SLC25A18: variants seen among roughly 807,000 people sequenced by gnomAD.
SLC25A18 encodes the protein solute carrier family 25 member 18, also known as mitochondrial glutamate carrier 2.
SLC25A18 carries 24 observed loss-of-function variants against 31.1 expected under a neutral mutation model. That is an observed-to-expected ratio of 0.77 (90% confidence interval 0.56 to 1.08). The LOEUF (loss-of-function observed/expected upper bound fraction) is 1.08. SLC25A18 is among the 50% of genes least tolerant of loss of function. The pLI is 0.00. For synonymous variants in SLC25A18, 173 were observed against 161.9 expected, an observed-to-expected ratio of 1.07 and a Z score of -0.52; for missense variants, 371 against 418.5, an observed-to-expected ratio of 0.89 and a Z score of 0.99.
intron 2 of SLC25A18, among the ~76,000 whole-genome samples, chr22:17,577,115 C>T (rs1280055720): frequency 2.6e-5 from 4 of 151,920 alleles, no homozygotes; most frequent in Non-Finnish European, 5.9e-5. Context: ...CTCCGCCTCC[C>T]GGGTTCACGC....
chr22:17,580,552 T>C, intron 3 of SLC25A18: 2 of 989,534 alleles, frequency 2.0e-6, no homozygotes, highest in Non-Finnish European at 1.2e-6. Flanking sequence ...TAGCTGGCAT[T>C]CCCCCCCAGG....
At chr22:17,587,508 A>G in intron 8 of SLC25A18, among the ~76,000 whole-genome samples, 1 of 152,228 alleles carries the variant, frequency 6.6e-6, no homozygotes, top group South Asian at 2.1e-4. Context: ...GGCCGCTTGC[A>G]TAGTGATGAC....
chr22:17,572,926 C>A (rs557190646), intron 2 of SLC25A18, among the ~76,000 whole-genome samples: 1 of 152,206 alleles, frequency 6.6e-6, no homozygotes, highest in East Asian at 1.9e-4. Context: ...CAGGCATGAG[C>A]CATGGCGCCC....
intron 2 of SLC25A18, among the ~76,000 whole-genome samples, chr22:17,578,094 C>A (rs551277114): frequency 4.4e-4 from 67 of 151,628 alleles, no homozygotes; most frequent in Non-Finnish European, 8.8e-4. Context: ...AAATAATCCT[C>A]CCATCTCAGC....
intron 2 of SLC25A18, among the ~76,000 whole-genome samples, chr22:17,579,276 G>A (rs919875783): frequency 2.0e-5 from 3 of 152,006 alleles, no homozygotes; most frequent in Non-Finnish European, 1.5e-5. Flanking sequence ...TAGTAGAGAT[G>A]GAGTTTCACC....
intron 7 of SLC25A18, 107 bp from the exon 8 acceptor site, chr22:17,587,029 G>C (rs1411682157): frequency 1.6e-6 from 2 of 1,268,986 alleles, no homozygotes; most frequent in Admixed American, 4.5e-5. Context: ...TGAGGTGTCA[G>C]CCTGGCCTCT....
intron 9 of SLC25A18, 29 bp downstream of exon 9, chr22:17,588,108 A>G (rs560078843): frequency 2.5e-6 from 4 of 1,613,016 alleles, no homozygotes; most frequent in Admixed American, 3.4e-5. Flanking sequence ...TGTCCTTTCT[A>G]TGGGATAAAC....
rs370266488 is a variant in SLC25A18, at chr22:17,583,452, G to C, written c.327G>C (p.Gly109=). The part of the protein sequence containing the change: ...QRNLKMEMLA[G]CGAGMCQVVV... ...ACCTGAAGATGGAGATGCTTGCCGGGTGTGGGGCTGGGATGTGCCAGGTCG... is the reference window on the plus strand; with the variant it reads ...ACCTGAAGATGGAGATGCTTGCCGGCTGTGGGGCTGGGATGTGCCAGGTCG... Residue 109 remains glycine, a synonymous_variant, in exon 7 of 11, where the codon GGG becomes GGC. Transcript: ENST00000327451. 1 of 1,614,040 alleles carries C rather than the reference G, an allele frequency of 6.2e-7. No homozygotes were observed. The highest frequency in any genetic ancestry group is 1.3e-5 in the African/African-American group (1 of 74,934).
intron 2 of SLC25A18, among the ~76,000 whole-genome samples, chr22:17,577,202 T>C (rs2057250419): frequency 6.6e-6 from 1 of 152,114 alleles, no homozygotes; most frequent in South Asian, 2.1e-4. Flanking sequence ...TTTTGTATTT[T>C]TAGTAGAGAC....
chr22:17,589,757 C>A, intron 10 of SLC25A18, 92 bp downstream of exon 10: 1 of 1,193,020 alleles, frequency 8.4e-7, no homozygotes, highest in Non-Finnish European at 1.2e-6. Context: ...ACTTGAATTG[C>A]TGGGCTCTGG....
At position 17,579,896 on chromosome 22, in the gene SLC25A18, C is replaced by A; in HGVS notation, c.-49C>A. The stretch of plus-strand genomic sequence containing the variant: ...CCCCAGACAGCCCCAACAGCGGCTA[C>A]CCCAAGGAGCCAGCAGCCTTGTGTC... On this transcript the variant is annotated 5_prime_UTR_variant, in exon 3 of 11. Transcript: ENST00000327451. 2 of 1,597,272 alleles carry A rather than the reference C, an allele frequency of 1.3e-6. No individual in the cohort carries two copies. The highest frequency in any genetic ancestry group is 8.5e-7 in the Non-Finnish European group (1 of 1,172,436).
intron 1 of SLC25A18, among the ~76,000 whole-genome samples, chr22:17,566,357 G>A (rs2056936701): frequency 6.6e-6 from 1 of 151,378 alleles, no homozygotes; most frequent in Non-Finnish European, 1.5e-5. Context: ...ACCAAGCCCT[G>A]TATAATCTTC....
At chr22:17,582,693 G>GT (rs756239159) in intron 6 of SLC25A18, 40 bp downstream of exon 6, 2 of 1,533,916 alleles carry the variant, frequency 1.3e-6, no homozygotes, top group Non-Finnish European at 1.8e-6. Flanking sequence ...TTCACTGTGT[G>GT]TTTTTTGGGA....
At chr22:17,568,516 T>C (rs1049581769) in intron 1 of SLC25A18, among the ~76,000 whole-genome samples, 2 of 151,164 alleles carry the variant, frequency 1.3e-5, no homozygotes, top group African/African-American at 4.9e-5. Context: ...AGGGCAAATA[T>C]TGAGGCTAAA....
rs896387513 is a variant in SLC25A18, at chr22:17,590,114, G to T, written c.826G>T (p.Gly276Ter). 13 of 1,614,060 alleles carry T rather than the reference G, an allele frequency of 8.1e-6. No homozygotes were observed. Among genetic ancestry groups the T allele is most frequent in the Non-Finnish European group, 8.5e-7 (1 of 1,180,046 alleles). Residue 276 changes from glycine (G) to a stop codon, truncating the protein, a stop_gained, in exon 11 of 11, where the codon GGA (glycine) becomes TGA (stop). Coordinates refer to ENST00000327451, the MANE Select transcript of SLC25A18 (RefSeq NM_031481.3). LOFTEE classifies it high-confidence loss of function. ...DCARKLWIQE[G>*]PSAFMKGAGC... ...CCCCAGGAAACTCTGGATTCAGGAG[G>T]GACCATCTGCCTTCATGAAAGGCGC...
At chr22:17,582,080 G>A (rs1283431909) in intron 5 of SLC25A18, 2 of 153,408 alleles carry the variant, frequency 1.3e-5, no homozygotes, top group African/African-American at 2.4e-5. Flanking sequence ...CGTAAAAAGG[G>A]GAGAATGTGG....
At chr22:17,585,652 T>TTA (rs2057524630) in intron 7 of SLC25A18, among the ~76,000 whole-genome samples, 1 of 121,164 alleles carries the variant, frequency 8.3e-6, no homozygotes, top group African/African-American at 3.6e-5. Context: ...TTATTATTAT[T>TTA]TTTTTTTTTT....
chr22:17,587,925 A>T lies in SLC25A18; in HGVS notation c.576A>T (p.Arg192Ser), dbSNP rs1353400090. The T allele has an allele frequency of 6.2e-7, 1 of 1,613,982 alleles. No individual in the cohort carries two copies. Among genetic ancestry groups the T allele is most frequent in the Non-Finnish European group, 8.5e-7 (1 of 1,179,982 alleles). ...LYRGLGATLL[R>S]DIPFSIIYFP... ...AGTGTTTCTCCTTCCTCTTCTGCAG[A>T]GACATTCCTTTCTCCATCATCTACT... The change falls in exon 9 of 11, where the codon AGA (arginine) becomes AGT (serine). Residue 192 changes from arginine to serine, a missense_variant and splice_region_variant. Arg to Ser is a moderately radical substitution (Grantham distance 110). Transcript: ENST00000327451.
chr22:17,583,789 C>A (rs1333244665), intron 7 of SLC25A18, among the ~76,000 whole-genome samples: 1 of 151,846 alleles, frequency 6.6e-6, no homozygotes, highest in African/African-American at 2.4e-5. Flanking sequence ...TCTAAAGATA[C>A]AAAAATTAGC....
Sources: allele counts gnomAD v4.1 joint callset (sites outside exome capture counted in the v4.1 genomes callset), GRCh38; gene constraint gnomAD v4.1.1; transcripts MANE v1.5; gene names NCBI Gene and HGNC (gene_info 2026-07-23, HGNC 2026-07-21).